Variants in ADGRL4 observed in about 807,000 individuals in gnomAD.
ADGRL4 encodes the protein EGF, latrophilin and seven transmembrane domain containing 1.
In ADGRL4, 90 loss-of-function variants were observed where a neutral mutation model predicts 74.8. The observed-to-expected ratio is 1.20, with a 90% CI of 1.02 to 1.43. The LOEUF is 1.43. Among genes scored for constraint, ADGRL4 ranks in the 40% most tolerant of loss-of-function variants. The pLI, the probability that ADGRL4 is intolerant of heterozygous loss-of-function variation, is 0.00. For missense variants in ADGRL4, 881 were observed against 814.3 expected (o/e 1.08, Z -1.00); for synonymous variants, 311 against 279.2 (o/e 1.11, Z -1.14).
intron 12 of ADGRL4, among the ~76,000 whole-genome samples, chr1:78,915,078 G>T (rs1036832774): frequency 1.3e-5 from 2 of 151,786 alleles, no homozygotes; most frequent in Non-Finnish European, 2.9e-5. Context: ...ACATGACCTA[G>T]GCAGACCTGC....
At chr1:78,942,589 A>T (rs1649510655) in intron 3 of ADGRL4, among the ~76,000 whole-genome samples, 1 of 152,178 alleles carries the variant, frequency 6.6e-6, no homozygotes, top group Non-Finnish European at 1.5e-5. Flanking sequence ...TAATAATTTG[A>T]TATCACTAAA....
chr1:79,001,750 C>T (rs760733664), intron 2 of ADGRL4, among the ~76,000 whole-genome samples: 6 of 151,908 alleles, frequency 3.9e-5, no homozygotes, highest in Non-Finnish European at 7.4e-5. Context: ...CTTAGGGGTA[C>T]CATTTTGTGA....
chr1:78,934,832 T>C (rs1159220074), intron 7 of ADGRL4, among the ~76,000 whole-genome samples: 1 of 152,044 alleles, frequency 6.6e-6, no homozygotes, highest in Non-Finnish European at 1.5e-5. Flanking sequence ...ACTAGAGAAA[T>C]GCAAATCAAA....
At position 78,903,663 on chromosome 1, in the gene ADGRL4, C is replaced by T. The variant is rs537233811; in HGVS notation, c.1750-10474G>A. ...AAAGTCAGGTACTATTGGCCGGGCG[C>T]GGTGGCTCACGCCTGTAATCTCAAC... is the stretch of plus-strand genomic sequence containing the variant. On this transcript the variant is annotated intron_variant, in intron 12 of 14. Coordinates refer to ENST00000370742, the MANE Select transcript of ADGRL4 (RefSeq NM_022159.4). Among the ~76,000 whole-genome samples, 8 of 152,078 alleles carry T rather than the reference C, an allele frequency of 5.3e-5. No homozygotes were observed. In the South Asian group the frequency reaches 6.2e-4, roughly 12 times the overall value.
chr1:78,981,654 A>C (rs1365436028), intron 2 of ADGRL4, among the ~76,000 whole-genome samples: 1 of 151,908 alleles, frequency 6.6e-6, no homozygotes, highest in Non-Finnish European at 1.5e-5. Context: ...ATTTCAAAAA[A>C]GTCCTGAAAT....
chr1:78,914,898 G>C (rs1648838118), intron 12 of ADGRL4, among the ~76,000 whole-genome samples: 1 of 151,712 alleles, frequency 6.6e-6, no homozygotes, highest in Non-Finnish European at 1.5e-5. Flanking sequence ...GGTTTAGTCT[G>C]GTTCTTATTA....
intron 2 of ADGRL4, among the ~76,000 whole-genome samples, chr1:78,953,397 T>C (rs1649768674): frequency 6.6e-6 from 1 of 152,072 alleles, no homozygotes; most frequent in African/African-American, 2.4e-5. Flanking sequence ...GGTAGAAAAA[T>C]CTTACAAGCT....
In ADGRL4 at chr1:78,983,401, T is replaced by C. The variant is rs902948536; in HGVS notation, c.172+21669A>G. On this transcript the variant is annotated intron_variant, in intron 2 of 14. Transcript: ENST00000370742. ...AATATATGTGAAAGCTACAAGGTTC[T>C]ATTAAAAAAGACTCAAGAGTTTAAG... 2.6e-5 allele frequency among the ~76,000 whole-genome samples: 4 copies of C among 151,140 alleles called. No homozygotes were observed. In the Admixed American group the frequency reaches 2.6e-4, roughly 10 times the overall value.
intron 12 of ADGRL4, among the ~76,000 whole-genome samples, chr1:78,898,600 G>A (rs1357018004): frequency 6.6e-6 from 1 of 151,604 alleles, no homozygotes; most frequent in Non-Finnish European, 1.5e-5. Flanking sequence ...TAGATGGCAA[G>A]TATAAGAACT....
chr1:78,933,529 A>T (rs758561310), intron 7 of ADGRL4, among the ~76,000 whole-genome samples: 3 of 151,466 alleles, frequency 2.0e-5, no homozygotes, highest in African/African-American at 4.9e-5. Context: ...CAAGATAAGG[A>T]TGCCCTCTTT....
intron 7 of ADGRL4, among the ~76,000 whole-genome samples, chr1:78,931,710 G>C (rs1272963773): frequency 5.3e-5 from 8 of 150,964 alleles, no homozygotes; most frequent in Admixed American, 5.3e-4. Flanking sequence ...GACATACATA[G>C]GCTCAAAATA....
intron 7 of ADGRL4, among the ~76,000 whole-genome samples, chr1:78,930,545 C>A (rs1016977032): frequency 6.8e-6 from 1 of 147,504 alleles, no homozygotes; most frequent in Admixed American, 6.8e-5. Context: ...TACATCTCCC[C>A]GGTTCAAGCA....
chr1:78,936,618 G>C (rs1649361498), intron 6 of ADGRL4, among the ~76,000 whole-genome samples: 4 of 152,060 alleles, frequency 2.6e-5, no homozygotes, highest in Admixed American at 2.0e-4. Context: ...TTTCACTATG[G>C]CACTCATGGT....
intron 2 of ADGRL4, among the ~76,000 whole-genome samples, chr1:78,977,501 C>T (rs1160937814): frequency 6.6e-6 from 1 of 151,682 alleles, no homozygotes; most frequent in Non-Finnish European, 1.5e-5. Context: ...ATGCAAAGGA[C>T]TAAATATATC....
At chr1:78,899,063 T>C (rs1020836981) in intron 12 of ADGRL4, among the ~76,000 whole-genome samples, 1 of 152,182 alleles carries the variant, frequency 6.6e-6, no homozygotes. Context: ...GCCATCTATA[T>C]GATGTTAGAT....
chr1:78,895,960 G>A (rs998407580), intron 12 of ADGRL4, among the ~76,000 whole-genome samples: 10 of 152,140 alleles, frequency 6.6e-5, no homozygotes, highest in African/African-American at 1.7e-4. Context: ...GAACACAGGA[G>A]ACTGCACCTT....
At chr1:78,919,991 C>G (rs537839306) in intron 10 of ADGRL4, among the ~76,000 whole-genome samples, 192 bp downstream of exon 10, 2 of 151,968 alleles carry the variant, frequency 1.3e-5, no homozygotes, top group Non-Finnish European at 1.5e-5. Flanking sequence ...GCCATTTTTG[C>G]TGAATGGACT....
chr1:78,924,958 T>C (rs905421159), intron 8 of ADGRL4, among the ~76,000 whole-genome samples: 4 of 152,054 alleles, frequency 2.6e-5, no homozygotes, highest in African/African-American at 9.7e-5. Flanking sequence ...TAAAAGGAGT[T>C]ATTAATTTTT....
chr1:78,896,991 C>T (rs1167169090), intron 12 of ADGRL4, among the ~76,000 whole-genome samples: 2 of 152,078 alleles, frequency 1.3e-5, no homozygotes, highest in African/African-American at 2.4e-5. Context: ...ACCCTCATCA[C>T]TCTGTTTAAA....
Sources: gnomAD v4.1 joint callset for allele counts (sites outside exome capture counted in the v4.1 genomes callset) on GRCh38, gnomAD v4.1.1 for gene constraint, MANE v1.5 for transcripts, NCBI Gene and HGNC (gene_info 2026-07-23, HGNC 2026-07-21) for gene names.